Variants in PRKCD observed in about 807,000 individuals in gnomAD.
PRKCD encodes protein kinase C delta type.
PRKCD carries 20 observed loss-of-function variants against 82.2 expected under a neutral mutation model. The observed-to-expected ratio is 0.24, with a 90% CI of 0.17 to 0.35. The LOEUF (loss-of-function observed/expected upper bound fraction) is 0.35. Ranked by LOEUF, PRKCD falls within the 10% of genes least tolerant of loss-of-function variation. The pLI, the probability that PRKCD is intolerant of heterozygous loss-of-function variation, is 1.00. For missense variants in PRKCD, 607 were observed against 899.0 expected, an observed-to-expected ratio of 0.68 and a Z score of 4.15; for synonymous variants, 317 against 337.0, an observed-to-expected ratio of 0.94 and a Z score of 0.65.
chr3:53,178,510 G>T lies in PRKCD; in HGVS notation c.88G>T (p.Val30Leu). The change falls in exon 3 of 19, where the codon GTG (valine) becomes TTG (leucine). Residue 30 changes from valine to leucine, a missense_variant. Coordinates refer to ENST00000330452, the MANE Select transcript of PRKCD (RefSeq NM_006254.4). Reference protein sequence around the residue: ...EDEANQPFCAVKMKEALSTER... With the variant: ...EDEANQPFCALKMKEALSTER... ...CGAGGCGAACCAGCCCTTCTGTGCCGTGAAGATGAAGGAGGCGCTCAGCAC... is the reference window on the plus strand; with the variant it reads ...CGAGGCGAACCAGCCCTTCTGTGCCTTGAAGATGAAGGAGGCGCTCAGCAC... 1 of 1,613,138 alleles carries T rather than the reference G, an allele frequency of 6.2e-7. No homozygotes were observed. The highest frequency in any genetic ancestry group is 8.5e-7 in the Non-Finnish European group (1 of 1,179,796).
chr3:53,162,312 G>T (rs1553663162), intron 1 of PRKCD, among the ~76,000 whole-genome samples: 1 of 152,034 alleles, frequency 6.6e-6, no homozygotes, highest in Admixed American at 6.5e-5. Flanking sequence ...GCGGCAGAAG[G>T]AGAGCACCAT....
chr3:53,176,934 T>A (rs1553666026), intron 2 of PRKCD, among the ~76,000 whole-genome samples: 1 of 152,148 alleles, frequency 6.6e-6, no homozygotes, highest in Non-Finnish European at 1.5e-5. Flanking sequence ...GTTCCAGCCA[T>A]TCTTCTGCCC....
chr3:53,180,564 CA>C (rs1354637480), intron 4 of PRKCD, among the ~76,000 whole-genome samples: 2 of 152,212 alleles, frequency 1.3e-5, no homozygotes, highest in African/African-American at 4.8e-5. Context: ...AGGCTCTGAT[CA>C]GCCTCCTGCG....
In PRKCD at chr3:53,192,238, C is replaced by G; in HGVS notation, c.2003C>G (p.Pro668Arg). The change falls in exon 19 of 19, where the codon CCC (proline) becomes CGC (arginine). Residue 668 changes from proline (P) to arginine (R), a missense_variant. By Grantham distance (103) the Pro-to-Arg change is moderately radical (BLOSUM62 -2). Transcript: ENST00000330452. ...SAFAGFSFVN[P>R]KFEHLLED ...TTCGCTGGCTTCTCCTTTGTGAACC[C>G]CAAATTCGAGCACCTCCTGGAAGAT... 6.2e-7 allele frequency: 1 copy of G among 1,614,128 alleles called. No homozygotes were observed. Among genetic ancestry groups the G allele is most frequent in the African/African-American group, 1.3e-5 (1 of 75,016 alleles).
At chr3:53,172,879 C>G (rs1291430003) in intron 2 of PRKCD, among the ~76,000 whole-genome samples, 2 of 152,212 alleles carry the variant, frequency 1.3e-5, no homozygotes, top group African/African-American at 4.8e-5. Flanking sequence ...AGGCATCATT[C>G]TGTGGCCTGT....
At chr3:53,177,068 G>A (rs1703236746) in intron 2 of PRKCD, among the ~76,000 whole-genome samples, 2 of 152,150 alleles carry the variant, frequency 1.3e-5, no homozygotes, top group Non-Finnish European at 1.5e-5. Context: ...GACCTCAGGT[G>A]ACTCGCCTGC....
chr3:53,173,385 A>G (rs6764111), intron 2 of PRKCD: 109,305 of 152,182 alleles, frequency 0.72, 40,911 homozygotes, highest in East Asian at 0.97. Flanking sequence ...CCTAGCTACT[A>G]CCTTTCCTTA....
intron 15 of PRKCD, among the ~76,000 whole-genome samples, chr3:53,187,913 G>A (rs1001528686): frequency 6.6e-6 from 1 of 152,146 alleles, no homozygotes; most frequent in Non-Finnish European, 1.5e-5. Context: ...GAGACTGAGC[G>A]CGATGGCTCA....
At chr3:53,188,698 C>T (rs377054919) in intron 15 of PRKCD, 22 bp from the exon 16 acceptor site, 69 of 1,613,700 alleles carry the variant, frequency 4.3e-5, no homozygotes, top group Non-Finnish European at 5.8e-5. Flanking sequence ...CCTGCTGACT[C>T]TTACCTGTCC....
At chr3:53,187,636 C>T (rs1472062216) in intron 15 of PRKCD, among the ~76,000 whole-genome samples, 2 of 152,196 alleles carry the variant, frequency 1.3e-5, no homozygotes, top group Non-Finnish European at 2.9e-5. Flanking sequence ...TTGACACCAT[C>T]GCCCCACCCA....
At chr3:53,163,294 TG>T (rs1246273227) in intron 1 of PRKCD, among the ~76,000 whole-genome samples, 1 of 151,580 alleles carries the variant, frequency 6.6e-6, no homozygotes, top group Non-Finnish European at 1.5e-5. Context: ...CGAGAGTGCC[TG>T]GGCGTGGGTG....
At chr3:53,190,519 G>A (rs1553670599) in intron 18 of PRKCD, among the ~76,000 whole-genome samples, 2 of 152,116 alleles carry the variant, frequency 1.3e-5, no homozygotes, top group African/African-American at 4.8e-5. Flanking sequence ...GAAGAGGGTG[G>A]GTCTGAGAGG....
intron 2 of PRKCD, among the ~76,000 whole-genome samples, 159 bp from the exon 3 acceptor site, chr3:53,178,245 C>T (rs1703285012): frequency 6.6e-6 from 1 of 152,210 alleles, no homozygotes; most frequent in Admixed American, 6.5e-5. Context: ...GCAAACCTCT[C>T]AGTTTTTAAC....
Position 53,184,993 on chromosome 3 carries a change from G to A in PRKCD, c.888+19G>A. The A allele has an allele frequency of 1.2e-6, 2 of 1,605,362 alleles. No individual in the cohort carries two copies. The highest frequency in any genetic ancestry group is 1.3e-5 in the African/African-American group (1 of 74,856). On this transcript the variant is annotated intron_variant, in intron 10 of 18. Transcript: ENST00000330452. ...CACCCAGGTGGGCAGGTGCCATGGG[G>A]ACCCTGGACACAGGGCAGTGGGGTC...
At chr3:53,163,128 C>G (rs1043637717) in intron 1 of PRKCD, among the ~76,000 whole-genome samples, 2 of 151,708 alleles carry the variant, frequency 1.3e-5, no homozygotes, top group Admixed American at 6.6e-5. Context: ...GTCTGGGCAG[C>G]TGTACCTGGC....
At position 53,188,832 on chromosome 3, in the gene PRKCD, G is replaced by A. The variant is rs606231296; in HGVS notation, c.1528G>A (p.Gly510Ser). ...GGAGAGCCGGGCCAGCACCTTCTGC[G>A]GCACCCCTGACTATATCGCCCCTGA... ...FGESRASTFC[G>S]TPDYIAPEIL... is the part of the protein sequence containing the mutation. The change falls in exon 16 of 19, where the codon GGC becomes AGC. Residue 510 changes from glycine to serine, a missense_variant. Coordinates refer to ENST00000330452, the MANE Select transcript of PRKCD (RefSeq NM_006254.4). The A allele has an allele frequency of 1.2e-6, 2 of 1,614,126 alleles. No homozygotes were observed.
At position 53,189,164 on chromosome 3, in the gene PRKCD, A is replaced by G; in HGVS notation, c.1661A>G (p.Asp554Gly). 6.2e-7 allele frequency: 1 copy of G among 1,614,020 alleles called. No individual in the cohort carries two copies. Among genetic ancestry groups the G allele is most frequent in the Non-Finnish European group, 8.5e-7 (1 of 1,179,980 alleles). ...GQSPFHGDDE[D>G]ELFESIRVDT... ...TCCCCCTTCCATGGTGATGATGAGGATGAACTCTTCGAGTCCATCCGTGTG... is the reference window on the plus strand; with the variant it reads ...TCCCCCTTCCATGGTGATGATGAGGGTGAACTCTTCGAGTCCATCCGTGTG... Residue 554 changes from aspartate to glycine, a missense_variant, in exon 17 of 19, where the codon GAT (aspartate) becomes GGT (glycine). By Grantham distance (94) the Asp-to-Gly change is moderately conservative. Coordinates refer to ENST00000330452, the MANE Select transcript of PRKCD (RefSeq NM_006254.4).
chr3:53,181,803 A>G (rs540669910), intron 7 of PRKCD, 71 bp downstream of exon 7: 65 of 1,604,308 alleles, frequency 4.1e-5, no homozygotes, highest in Non-Finnish European at 5.2e-5. Context: ...GCCTGTGTGT[A>G]TGCCAGTGCC....
chr3:53,183,634 G>T (rs1168021427), intron 9 of PRKCD, 53 bp downstream of exon 9: 8 of 1,601,824 alleles, frequency 5.0e-6, no homozygotes, highest in Non-Finnish European at 6.8e-6. Flanking sequence ...AGCTGGTGCT[G>T]CTGTGAATTC....
Sources: gnomAD v4.1 joint callset for allele counts (sites outside exome capture counted in the v4.1 genomes callset) on GRCh38, gnomAD v4.1.1 for gene constraint, MANE v1.5 for transcripts, NCBI Gene and HGNC (gene_info 2026-07-23, HGNC 2026-07-21) for gene names.